The following RPS6KA2 variants were observed in gnomAD, a reference collection of about 807,000 sequenced individuals.
RPS6KA2 encodes ribosomal protein S6 kinase A2.
A neutral mutation model predicts 91.8 loss-of-function variants in RPS6KA2; 42 were observed. The observed-to-expected ratio is 0.46, with a 90% CI of 0.36 to 0.59. The LOEUF (loss-of-function observed/expected upper bound fraction) is 0.59. Among genes scored for constraint, RPS6KA2 ranks in the 20% least tolerant of loss-of-function variants. The probability of loss-of-function intolerance (pLI) is 0.00; values close to 1 mark genes in which losing one functional copy is unlikely to be tolerated. For synonymous variants in RPS6KA2, 414 were observed against 393.6 expected, an observed-to-expected ratio of 1.05 and a Z score of -0.61; for missense variants, 798 against 978.5, an observed-to-expected ratio of 0.82 and a Z score of 2.46.
chr6:166,546,396 C>G (rs1268633040), intron 1 of RPS6KA2, among the ~76,000 whole-genome samples: 1 of 152,126 alleles, frequency 6.6e-6, no homozygotes, highest in African/African-American at 2.4e-5. Context: ...CAGGTAAAAA[C>G]CCGGTGACAG....
chr6:166,799,803 G>A (rs940813865), intron 2 of RPS6KA2, among the ~76,000 whole-genome samples: 4 of 152,030 alleles, frequency 2.6e-5, no homozygotes, highest in African/African-American at 9.7e-5. Flanking sequence ...GCGGTGTTTG[G>A]TTCCATGGAT....
intron 10 of RPS6KA2, among the ~76,000 whole-genome samples, chr6:166,470,907 G>A (rs1225757060): frequency 6.6e-6 from 1 of 152,208 alleles, no homozygotes; most frequent in Non-Finnish European, 1.5e-5. Flanking sequence ...TCTCCAGGAT[G>A]GGACGGCCAC....
At chr6:166,451,668 G>A (rs1441228134) in intron 12 of RPS6KA2, among the ~76,000 whole-genome samples, 1 of 152,170 alleles carries the variant, frequency 6.6e-6, no homozygotes, top group Non-Finnish European at 1.5e-5. Context: ...TGGTCTCTAG[G>A]TTCGACAGGT....
intron 2 of RPS6KA2, among the ~76,000 whole-genome samples, chr6:166,771,128 G>A (rs1778459437): frequency 6.6e-6 from 1 of 152,184 alleles, no homozygotes; most frequent in Non-Finnish European, 1.5e-5. Flanking sequence ...AGGAACTTGC[G>A]ACTTTTGTGC....
intron 1 of RPS6KA2, among the ~76,000 whole-genome samples, chr6:166,574,014 C>T (rs1430135370): frequency 3.3e-5 from 5 of 152,132 alleles, no homozygotes; most frequent in African/African-American, 4.8e-5. Context: ...CATCTCTACG[C>T]GGTCCACTCA....
At chr6:166,855,441 A>C (rs28373200) in intron 2 of RPS6KA2, among the ~76,000 whole-genome samples, 1 of 98,980 alleles carries the variant, frequency 1.0e-5, no homozygotes, top group African/African-American at 4.5e-5. Context: ...AAGAAGAGGA[A>C]GAAGAAGAGG....
In RPS6KA2 at chr6:166,490,945, C is replaced by T. The variant is rs766576424; in HGVS notation, c.748-204G>A. Among the ~76,000 whole-genome samples the T allele has an allele frequency of 3.9e-5, 6 of 152,172 alleles. No individual in the cohort carries two copies. The highest frequency in any genetic ancestry group is 2.1e-4 in the South Asian group (1 of 4,830). ...AGAGCTTGCCATTTGGTGGGTGAGA[C>T]GGGTAAATGACAGATGTGGTAGATA... On this transcript the variant is annotated intron_variant, in intron 8 of 20. Coordinates refer to ENST00000265678, the MANE Select transcript of RPS6KA2 (RefSeq NM_021135.6). This position sits in a 1 kb window ranked among gnomAD's most constrained non-coding sequence, Gnocchi z 4.2.
At chr6:166,415,410 T>C (rs1339531321) in intron 19 of RPS6KA2, among the ~76,000 whole-genome samples, 2 of 152,202 alleles carry the variant, frequency 1.3e-5, no homozygotes, top group Non-Finnish European at 2.9e-5. Context: ...GTAGCTTTGC[T>C]GGTGTTTGGA....
intron 2 of RPS6KA2, among the ~76,000 whole-genome samples, chr6:166,684,798 AC>A (rs996608448): frequency 1.4e-4 from 22 of 152,192 alleles, no homozygotes; most frequent in African/African-American, 5.1e-4. Flanking sequence ...TTCCCCCTGA[AC>A]AACTTGATTT....
chr6:166,812,312 T>G (rs926262411), intron 2 of RPS6KA2, among the ~76,000 whole-genome samples: 1 of 152,144 alleles, frequency 6.6e-6, no homozygotes. Flanking sequence ...GCCAAGATCG[T>G]GCTGCTGCAC....
chr6:166,575,739 G>A (rs1784820446), intron 1 of RPS6KA2, among the ~76,000 whole-genome samples: 1 of 152,032 alleles, frequency 6.6e-6, no homozygotes, highest in Non-Finnish European at 1.5e-5. Flanking sequence ...TTATCAATGG[G>A]AACCATCTCT....
intron 2 of RPS6KA2, among the ~76,000 whole-genome samples, chr6:166,807,020 T>C (rs1409477449): frequency 6.6e-6 from 1 of 152,168 alleles, no homozygotes; most frequent in East Asian, 1.9e-4. Context: ...AATATACACA[T>C]ATAAATTTAA....
chr6:166,529,771 G>A (rs1359977088), intron 3 of RPS6KA2, among the ~76,000 whole-genome samples: 1 of 152,134 alleles, frequency 6.6e-6, no homozygotes, highest in Non-Finnish European at 1.5e-5. Flanking sequence ...GATCAGGAGT[G>A]GGGCCAGGAT....
chr6:166,427,791 T>G (rs1479692810), intron 16 of RPS6KA2, among the ~76,000 whole-genome samples: 2 of 152,016 alleles, frequency 1.3e-5, no homozygotes, highest in Non-Finnish European at 2.9e-5. Context: ...CACTGCTCAA[T>G]GAAATAAAAG....
intron 6 of RPS6KA2, among the ~76,000 whole-genome samples, chr6:166,501,603 C>T (rs1364582800): frequency 4.6e-5 from 7 of 152,202 alleles, no homozygotes; most frequent in Admixed American, 2.6e-4. Context: ...GGTATCCTGC[C>T]GTGGGGTGAA....
intron 2 of RPS6KA2, among the ~76,000 whole-genome samples, chr6:166,762,364 G>A (rs1019586297): frequency 2.6e-5 from 4 of 152,050 alleles, no homozygotes; most frequent in African/African-American, 7.2e-5. Flanking sequence ...TGCAGTGTGC[G>A]TGTGTGTGTT....
chr6:166,536,271 A>C (rs1783475362), intron 2 of RPS6KA2, among the ~76,000 whole-genome samples: 1 of 152,240 alleles, frequency 6.6e-6, no homozygotes, highest in African/African-American at 2.4e-5. Flanking sequence ...AGGAGGTGGA[A>C]ACCTGAAGAA....
chr6:166,734,748 T>C (rs1790628372), intron 2 of RPS6KA2, among the ~76,000 whole-genome samples: 1 of 152,218 alleles, frequency 6.6e-6, no homozygotes, highest in African/African-American at 2.4e-5. Flanking sequence ...CCTAAGACCA[T>C]GGAACTGGTG....
intron 16 of RPS6KA2, among the ~76,000 whole-genome samples, chr6:166,430,187 C>T (rs532171032): frequency 1.1e-3 from 167 of 151,894 alleles, no homozygotes; most frequent in Non-Finnish European, 1.7e-3. Flanking sequence ...CTAGGCTGGT[C>T]GCGAACTCCT....
Sources: allele counts gnomAD v4.1 joint callset (sites outside exome capture counted in the v4.1 genomes callset), GRCh38; gene constraint gnomAD v4.1.1; non-coding constraint Gnocchi (gnomAD v3.1); transcripts MANE v1.5; gene names NCBI Gene and HGNC (gene_info 2026-07-23, HGNC 2026-07-21).